ACTR3C: variants seen among roughly 807,000 people sequenced by gnomAD.
ACTR3C encodes the protein actin related protein 3C, also known as actin-related protein 3C.
Under a neutral mutation model 26.3 loss-of-function variants are expected in ACTR3C, and 18 were observed. That is an observed-to-expected ratio of 0.68 (90% CI 0.47 to 1.01). The LOEUF is 1.01. Among genes scored for constraint, ACTR3C ranks in the 50% least tolerant of loss-of-function variants. ACTR3C has a pLI of 0.00. For synonymous variants in ACTR3C, 55 were observed against 94.5 expected, an observed-to-expected ratio of 0.58 and a Z score of 2.42; for missense variants, 184 against 250.7, an observed-to-expected ratio of 0.73 and a Z score of 1.80.
the ACTR3C span, among the ~76,000 whole-genome samples, chr7:150,040,218 TA>T: frequency 2.0e-5 from 3 of 147,924 alleles, no homozygotes; most frequent in Admixed American, 2.0e-4. Context: ...GGCCCTCTAA[TA>T]GGGGGGCCAT....
At chr7:150,309,001 C>T (rs1177370736) in intron 1 of ACTR3C, among the ~76,000 whole-genome samples, 5 of 152,126 alleles carry the variant, frequency 3.3e-5, no homozygotes, top group South Asian at 2.1e-4. Flanking sequence ...TGACCTCTCC[C>T]GTCTCCCCAG....
the ACTR3C span, among the ~76,000 whole-genome samples, chr7:150,214,379 A>G: frequency 4.3e-4 from 66 of 152,276 alleles, no homozygotes; most frequent in East Asian, 0.012. Context: ...AGAAAATAGA[A>G]ATTATGGAGA....
chr7:150,204,274 T>C, the ACTR3C span, among the ~76,000 whole-genome samples: 1 of 143,972 alleles, frequency 6.9e-6, no homozygotes, highest in Non-Finnish European at 1.5e-5. Context: ...GAGAGGGGAC[T>C]GTATTGGAAG....
At chr7:149,967,007 G>C in the ACTR3C span, among the ~76,000 whole-genome samples, 1 of 139,486 alleles carries the variant, frequency 7.2e-6, no homozygotes, top group South Asian at 2.3e-4. Flanking sequence ...GATTACAGGC[G>C]TGTGTCACCA....
At chr7:150,131,902 A>G in the ACTR3C span, among the ~76,000 whole-genome samples, 3 of 152,388 alleles carry the variant, frequency 2.0e-5, no homozygotes, top group East Asian at 1.9e-4. Flanking sequence ...CTGACATGCT[A>G]CTACATGAAT....
At chr7:150,035,249 G>A in the ACTR3C span, among the ~76,000 whole-genome samples, 5 of 98,226 alleles carry the variant, frequency 5.1e-5, no homozygotes, top group East Asian at 8.8e-4. Context: ...AGCCAGTGGG[G>A]GAACCAGGGG....
intron 6 of ACTR3C, among the ~76,000 whole-genome samples, chr7:150,261,580 T>C (rs1833638273): frequency 6.6e-6 from 1 of 152,266 alleles, no homozygotes; most frequent in African/African-American, 2.4e-5. Context: ...CACATGCCTA[T>C]AATCCCAGCT....
the ACTR3C span, among the ~76,000 whole-genome samples, chr7:149,990,146 C>T: frequency 6.6e-6 from 1 of 152,152 alleles, no homozygotes; most frequent in Non-Finnish European, 1.5e-5. Context: ...CCTGCTCTCA[C>T]CTGTGCCTGG....
the ACTR3C span, among the ~76,000 whole-genome samples, chr7:150,049,072 G>T: frequency 6.6e-6 from 1 of 152,134 alleles, no homozygotes; most frequent in East Asian, 2.0e-4. Flanking sequence ...GAGGGAGGGC[G>T]ACATGGCTCC....
the ACTR3C span, among the ~76,000 whole-genome samples, chr7:149,994,205 G>A: frequency 4.6e-5 from 7 of 152,270 alleles, no homozygotes; most frequent in East Asian, 1.4e-3. Context: ...CACTCAAGCC[G>A]AGGAGACAAC....
At chr7:149,926,426 C>G in the ACTR3C span, among the ~76,000 whole-genome samples, 1 of 152,212 alleles carries the variant, frequency 6.6e-6, no homozygotes, top group African/African-American at 2.4e-5. Flanking sequence ...GAGTGGCAAA[C>G]AACGTGGTTT....
chr7:150,214,744 G>A, the ACTR3C span, among the ~76,000 whole-genome samples: 1 of 151,610 alleles, frequency 6.6e-6, no homozygotes, highest in Non-Finnish European at 1.5e-5. Flanking sequence ...TCATGCCTAG[G>A]CACATAGTAT....
chr7:150,041,212 C>A, the ACTR3C span, among the ~76,000 whole-genome samples: 154 of 148,888 alleles, frequency 1.0e-3, no homozygotes, highest in African/African-American at 3.9e-3. Flanking sequence ...TCCCCGACCC[C>A]TTTGTGACCT....
chr7:150,196,710 C>G, the ACTR3C span, among the ~76,000 whole-genome samples: 1 of 151,900 alleles, frequency 6.6e-6, no homozygotes, highest in African/African-American at 2.4e-5. Context: ...TACTCCTTGG[C>G]CTTTCTTTGG....
chr7:149,882,928 C>T, the ACTR3C span, among the ~76,000 whole-genome samples: 7 of 152,180 alleles, frequency 4.6e-5, no homozygotes, highest in Non-Finnish European at 8.8e-5. Context: ...TTCTGGCCTC[C>T]CCCAGAGCCT....
chr7:150,198,771 C>G, the ACTR3C span, among the ~76,000 whole-genome samples: 4 of 123,468 alleles, frequency 3.2e-5, no homozygotes, highest in Non-Finnish European at 6.5e-5. Flanking sequence ...GTCAGCCCCC[C>G]GCCTGGCCAG....
intron 6 of ACTR3C, among the ~76,000 whole-genome samples, chr7:150,249,315 C>G (rs1832668736): frequency 6.6e-6 from 1 of 152,152 alleles, no homozygotes; most frequent in African/African-American, 2.4e-5. Context: ...TCTATACCCA[C>G]AGAAATTATC....
chr7:150,042,620 G>A, the ACTR3C span, among the ~76,000 whole-genome samples: 6 of 150,598 alleles, frequency 4.0e-5, no homozygotes, highest in African/African-American at 1.5e-4. Flanking sequence ...CAAGAGCCAG[G>A]GGGTAAGAGG....
At chr7:149,928,876 GA>G in the ACTR3C span, among the ~76,000 whole-genome samples, 1 of 151,766 alleles carries the variant, frequency 6.6e-6, no homozygotes, top group Non-Finnish European at 1.5e-5. Context: ...AAGAACATGG[GA>G]GTCAGCCTGA....
Sources: allele counts gnomAD v4.1 joint callset (sites outside exome capture counted in the v4.1 genomes callset), GRCh38; gene constraint gnomAD v4.1.1; transcripts MANE v1.5; gene names NCBI Gene and HGNC (gene_info 2026-07-23, HGNC 2026-07-21).